ATP13A3: variants seen among roughly 807,000 people sequenced by gnomAD.
The protein encoded by ATP13A3 is ATPase 13A3.
In ATP13A3, 59 loss-of-function variants were observed where a neutral mutation model predicts 158.1. The observed-to-expected ratio is 0.37, with a 90% CI of 0.30 to 0.46. The LOEUF is 0.46. Ranked by LOEUF, ATP13A3 falls within the 20% of genes least tolerant of loss-of-function variation. ATP13A3 has a pLI of 1.00. For missense variants in ATP13A3, 1,166 were observed against 1,525.2 expected (o/e 0.76, Z 3.92); for synonymous variants, 491 against 504.3 (o/e 0.97, Z 0.35).
chr3:194,412,400 G>T (rs1715510541), intron 32 of ATP13A3, 112 bp from the exon 33 acceptor site: 3 of 792,982 alleles, frequency 3.8e-6, no homozygotes, highest in Middle Eastern at 3.3e-4. Context: ...AGGATATTTT[G>T]ATTTTCATAT....
chr3:194,415,661 C>CTGTTTTTTTTTTTTTGT (rs1208643552), intron 31 of ATP13A3, among the ~76,000 whole-genome samples: 2 of 90,928 alleles, frequency 2.2e-5, no homozygotes, highest in African/African-American at 9.5e-5. Context: ...ATACCACATT[C>CTGTTTTTTTTTTTTTGT]TTTTTTTTTT....
At chr3:194,432,467 T>C (rs1717295963) in intron 21 of ATP13A3, among the ~76,000 whole-genome samples, 1 of 152,202 alleles carries the variant, frequency 6.6e-6, no homozygotes, top group Non-Finnish European at 1.5e-5. Context: ...ATCCCACTGC[T>C]ACCAAAACAG....
chr3:194,462,410 C>T lies in ATP13A3; in HGVS notation c.-46-174G>A, dbSNP rs577613533. Among the ~76,000 whole-genome samples the T allele has an allele frequency of 5.9e-5, 9 of 152,296 alleles. No individual in the cohort carries two copies. In the South Asian group the frequency reaches 1.7e-3, roughly 28 times the overall value. On this transcript the variant is annotated intron_variant, in intron 2 of 33. Coordinates refer to ENST00000645319, the MANE Select transcript of ATP13A3 (RefSeq NM_001367549.1). Reference sequence around the variant, plus strand: ...AGTGACAGGCAAGCAAGCATTACTGCCCCAGCTCTACCTCCCATCAGATCA... The same window carrying T: ...AGTGACAGGCAAGCAAGCATTACTGTCCCAGCTCTACCTCCCATCAGATCA...
intron 33 of ATP13A3, 93 bp downstream of exon 33, chr3:194,412,106 A>G (rs1393081011): frequency 2.9e-6 from 3 of 1,030,616 alleles, no homozygotes; most frequent in Admixed American, 2.0e-5. Flanking sequence ...AGAATAACAC[A>G]TAACAGAACA....
chr3:194,469,065 G>A (rs978814559), intron 2 of ATP13A3, among the ~76,000 whole-genome samples: 8 of 151,514 alleles, frequency 5.3e-5, no homozygotes, highest in Non-Finnish European at 1.0e-4. Flanking sequence ...ACCTGGAGGT[G>A]GAGGTTGCAG....
chr3:194,448,413 T>C lies in ATP13A3; in HGVS notation c.1150+44A>G, dbSNP rs769632891. ...TTTTAAACATTTAGTAGGTATCAAA[T>C]ATGCTGAAACATGCAAAAAGAGATT... On this transcript the variant is annotated intron_variant, in intron 12 of 33. Transcript: ENST00000645319. The surrounding 1 kb of genome is among the most constrained non-coding windows in gnomAD (Gnocchi z 4.0). The C allele has an allele frequency of 2.0e-5, 31 of 1,585,842 alleles. No homozygotes were observed. The highest frequency in any genetic ancestry group is 2.5e-5 in the Non-Finnish European group (29 of 1,155,534).
At chr3:194,459,407 C>CT (rs1553805344) in intron 6 of ATP13A3, 64 bp downstream of exon 6, 9 of 1,141,580 alleles carry the variant, frequency 7.9e-6, no homozygotes, top group Non-Finnish European at 1.2e-5. Flanking sequence ...AGAATGGACT[C>CT]TTTTCTATCT....
chr3:194,455,649 T>C (rs1015542882), intron 8 of ATP13A3, among the ~76,000 whole-genome samples: 1 of 152,212 alleles, frequency 6.6e-6, no homozygotes, highest in East Asian at 1.9e-4. Flanking sequence ...AGAATGAAGA[T>C]TGGTGAGCCT....
intron 33 of ATP13A3, among the ~76,000 whole-genome samples, chr3:194,410,675 C>A (rs1321094402): frequency 6.6e-6 from 1 of 152,086 alleles, no homozygotes; most frequent in Non-Finnish European, 1.5e-5. Flanking sequence ...GAGAGTCTTC[C>A]AATCCAAATA....
At chr3:194,449,373 A>T (rs75549010) in intron 11 of ATP13A3, among the ~76,000 whole-genome samples, 1 of 151,998 alleles carries the variant, frequency 6.6e-6, no homozygotes, top group East Asian at 1.9e-4. Flanking sequence ...TAAAAAAAAA[A>T]TTCACACGAT....
rs1394412163 is a variant in ATP13A3, at chr3:194,486,796, C to T, written c.-319G>A. 3 of 151,654 alleles carry T rather than the reference C, an allele frequency of 2.0e-5. No homozygotes were observed. Among genetic ancestry groups the T allele is most frequent in the East Asian group, 3.9e-4 (2 of 5,150 alleles). 9.4% of individuals were successfully genotyped at this position (151,654 alleles called of 1,614,324 possible). On this transcript the variant is annotated 5_prime_UTR_variant, in exon 1 of 34. Transcript: ENST00000645319. ...GGACGTCCGCGCTCTCCTCCTCCTC[C>T]GCGCCCGCGGCGGCGGCGTGCAGCC...
At chr3:194,472,291 C>A (rs1230722374) in intron 2 of ATP13A3, among the ~76,000 whole-genome samples, 1 of 151,980 alleles carries the variant, frequency 6.6e-6, no homozygotes, top group African/African-American at 2.4e-5. Context: ...CACAGTCAAC[C>A]TTAACTTTTC....
At chr3:194,417,592 A>G (rs1455836960) in intron 31 of ATP13A3, among the ~76,000 whole-genome samples, 1 of 152,074 alleles carries the variant, frequency 6.6e-6, no homozygotes, top group Non-Finnish European at 1.5e-5. Context: ...GGCACAAATA[A>G]AGAGAACTAA....
rs1325073074 is a variant in ATP13A3 at position 194,421,924 on chromosome 3, C to G, written c.3314-1957G>C. 2.4e-5 allele frequency among the ~76,000 whole-genome samples: 3 copies of G among 125,866 alleles called. No individual in the cohort carries two copies. In the Admixed American group the frequency reaches 2.5e-4, roughly 10 times the overall value. 82.6% of individuals were successfully genotyped at this position (125,866 alleles called of 152,430 possible). ...GCAAAAACAGATTTGCGACCTGGTTCTTGACATGTGTGTCGTTGGCAAAAA... is the reference window on the plus strand; with the variant it reads ...GCAAAAACAGATTTGCGACCTGGTTGTTGACATGTGTGTCGTTGGCAAAAA... On this transcript the variant is annotated intron_variant, in intron 30 of 33. Transcript: ENST00000645319.
chr3:194,426,465 G>A (rs1048778812), intron 29 of ATP13A3, among the ~76,000 whole-genome samples: 2 of 152,100 alleles, frequency 1.3e-5, no homozygotes. Flanking sequence ...TAAACTGGGG[G>A]ATGAAAGATT....
In ATP13A3 at chr3:194,448,397, T is replaced by C. The variant is rs1348947841; in HGVS notation, c.1150+60A>G. On this transcript the variant is annotated intron_variant, in intron 12 of 33. Coordinates refer to ENST00000645319, the MANE Select transcript of ATP13A3 (RefSeq NM_001367549.1). The surrounding 1 kb of genome is among the most constrained non-coding windows in gnomAD (Gnocchi z 4.0). ...CCAGCCCAGAATCTCTTTTTAAACA[T>C]TTAGTAGGTATCAAATATGCTGAAA... 2 of 1,566,222 alleles carry C rather than the reference T, an allele frequency of 1.3e-6. No homozygotes were observed. The highest frequency in any genetic ancestry group is 2.2e-5 in the East Asian group (1 of 44,578).
Position 194,427,314 on chromosome 3 carries a change from A to C in ATP13A3, c.2948-62T>G, listed in dbSNP as rs973877229. ...ACATTAATCTATCACTATATAAGGC[A>C]TAACTAGATTCATTTAGGAACTTTA... is the stretch of plus-strand genomic sequence containing the variant. On this transcript the variant is annotated intron_variant, in intron 28 of 33. Coordinates refer to ENST00000645319, the MANE Select transcript of ATP13A3 (RefSeq NM_001367549.1). 2.1e-6 allele frequency: 3 copies of C among 1,401,950 alleles called. No homozygotes were observed. In the African/African-American group the frequency reaches 4.4e-5, roughly 21 times the overall value. 86.8% of individuals were successfully genotyped at this position (1,401,950 alleles called of 1,614,324 possible).
At chr3:194,410,331 A>ACAAAAAAC (rs1553794196) in intron 33 of ATP13A3, among the ~76,000 whole-genome samples, 2 of 132,942 alleles carry the variant, frequency 1.5e-5, no homozygotes, top group Admixed American at 7.7e-5. Context: ...AAAAAAAAAA[A>ACAAAAAAC]CTGCTGGGCC....
chr3:194,429,699 G>T lies in ATP13A3; in HGVS notation c.2853C>A (p.Phe951Leu). 1 of 1,612,076 alleles carries T rather than the reference G, an allele frequency of 6.2e-7. No individual in the cohort carries two copies. The highest frequency in any genetic ancestry group is 8.5e-7 in the Non-Finnish European group (1 of 1,178,254). Residue 951 changes from phenylalanine to leucine, a missense_variant, in exon 27 of 34, where the codon TTC becomes TTA. By Grantham distance (22) the Phe-to-Leu change is conservative. Around this residue, in one of 3 missense-constraint regions of ATP13A3, gnomAD observed 997 missense variants for 1,341.2 expected, o/e 0.74. Coordinates refer to ENST00000645319, the MANE Select transcript of ATP13A3 (RefSeq NM_001367549.1). ...TCACAGAATACAGCAGAGTAACACTGAAGTACTGGATAATGCTGTACAATG... is the reference window on the plus strand; with the variant it reads ...TCACAGAATACAGCAGAGTAACACTTAAGTACTGGATAATGCTGTACAATG... ...FMALYSIIQYFSVTLLYSILS... is the reference protein window; with the variant it reads ...FMALYSIIQYLSVTLLYSILS...
Sources: gnomAD v4.1 joint callset for allele counts (sites outside exome capture counted in the v4.1 genomes callset) on GRCh38, gnomAD v4.1.1 for gene constraint, gnomAD v4.1.1 regional missense constraint, Gnocchi (gnomAD v3.1) non-coding constraint, MANE v1.5 for transcripts, NCBI Gene and HGNC (gene_info 2026-07-23, HGNC 2026-07-21) for gene names.